The following NID2 variants were observed in gnomAD, a reference collection of about 807,000 sequenced individuals.
NID2 encodes the protein nidogen-2.
Under a neutral mutation model 145.4 loss-of-function variants are expected in NID2, and 83 were observed. The ratio of observed to expected loss-of-function variants is 0.57; its 90% confidence interval spans 0.48 to 0.69. NID2 has a LOEUF of 0.69. NID2 is among the 30% of genes least tolerant of loss of function. The pLI, the probability that NID2 is intolerant of heterozygous loss-of-function variation, is 0.00. For missense variants in NID2, 1,807 were observed against 1,765.7 expected, an observed-to-expected ratio of 1.02 and a Z score of -0.42; for synonymous variants, 739 against 701.3, an observed-to-expected ratio of 1.05 and a Z score of -0.85.
chr14:52,033,713 TTTTC>T (rs1308183842), intron 9 of NID2, among the ~76,000 whole-genome samples: 1 of 152,226 alleles, frequency 6.6e-6, no homozygotes, highest in Non-Finnish European at 1.5e-5. Context: ...TCTTTTTTGT[TTTTC>T]TTTTTTTCCC....
intron 10 of NID2, 129 bp downstream of exon 10, chr14:52,029,418 C>T: frequency 3.5e-6 from 3 of 852,504 alleles, no homozygotes; most frequent in African/African-American, 3.3e-5. Context: ...TTCAGATTAA[C>T]AGCTGCTAAA....
chr14:52,008,130 G>C, intron 18 of NID2, 163 bp from the exon 19 acceptor site: 1 of 566,610 alleles, frequency 1.8e-6, no homozygotes, highest in East Asian at 3.0e-5. Flanking sequence ...CTAGTGCATA[G>C]AGTATAGCAG....
chr14:52,026,393 T>C (rs965568945), intron 12 of NID2, among the ~76,000 whole-genome samples: 1 of 152,182 alleles, frequency 6.6e-6, no homozygotes, highest in African/African-American at 2.4e-5. Flanking sequence ...GCAGGCCCTT[T>C]CCCATTCTAA....
chr14:52,060,278 G>T lies in NID2; in HGVS notation c.613C>A (p.Gln205Lys), dbSNP rs1233765661. ...ALFLYPANGL[Q>K]FLGTRPKESY... The stretch of plus-strand genomic sequence containing the variant: ...TCTTTGGGGCGGGTTCCAAGGAACT[G>T]CAGGCCGTTGGCAGGATAAAGAAAG... Residue 205 changes from glutamine to lysine, a missense_variant, in exon 3 of 22, where the codon CAG (glutamine) becomes AAG (lysine). Transcript: ENST00000216286. The T allele has an allele frequency of 1.9e-6, 3 of 1,613,408 alleles. No individual in the cohort carries two copies. Among genetic ancestry groups the T allele is most frequent in the Non-Finnish European group, 8.5e-7 (1 of 1,179,858 alleles).
intron 9 of NID2, among the ~76,000 whole-genome samples, chr14:52,030,923 C>T (rs1830508887): frequency 6.6e-6 from 1 of 152,194 alleles, no homozygotes. Flanking sequence ...TTGTTCTAAA[C>T]AGATAGGAGG....
At chr14:52,016,088 CA>C (rs1891206941) in intron 14 of NID2, among the ~76,000 whole-genome samples, 1 of 152,164 alleles carries the variant, frequency 6.6e-6, no homozygotes, top group Admixed American at 6.5e-5. Context: ...CCCTCCCTCA[CA>C]GCTCACTCCA....
intron 19 of NID2, chr14:52,007,084 T>G (rs1422398137): frequency 1.3e-5 from 2 of 155,638 alleles, no homozygotes; most frequent in East Asian, 3.8e-4. Context: ...AGGAAAAAAG[T>G]GACTAAAATG....
chr14:52,035,244 A>G (rs1892014252), intron 9 of NID2, among the ~76,000 whole-genome samples: 1 of 152,190 alleles, frequency 6.6e-6, no homozygotes, highest in Admixed American at 6.5e-5. Context: ...TCACTGCCCT[A>G]AAAATCCCAT....
chr14:52,005,162 TAAACTC>T lies in NID2; in HGVS notation c.*318_*323del, dbSNP rs1214227646. The stretch of plus-strand genomic sequence containing the variant: ...ATGGCAAAAATCAGGTTTAGAGTCT[TAAACTC>T]TAATTCTTAGTTGAATGAATTTGAT... On this transcript the variant is annotated 3_prime_UTR_variant, in exon 22 of 22. Coordinates refer to ENST00000216286, the MANE Select transcript of NID2 (RefSeq NM_007361.4). The T allele has an allele frequency of 1.5e-4, 34 of 227,806 alleles. No individual in the cohort carries two copies. The highest frequency in any genetic ancestry group is 1.4e-3 in the Middle Eastern group (1 of 706). 14.1% of individuals were successfully genotyped at this position (227,806 alleles called of 1,614,324 possible).
In NID2 at chr14:52,006,750, G is replaced by A. The variant is rs576513088; in HGVS notation, c.3881-90C>T. ...TGATAGTGACACAGTGATAGAATGG[G>A]GAAATAGGATATTTTACTTCCATTA... On this transcript the variant is annotated intron_variant, in intron 19 of 21. Coordinates refer to ENST00000216286, the MANE Select transcript of NID2 (RefSeq NM_007361.4). The A allele has an allele frequency of 1.2e-4, 165 of 1,381,982 alleles. No individual in the cohort carries two copies. The South Asian group carries it at 1.3e-3, about 11-fold the overall frequency. 85.6% of individuals were successfully genotyped at this position (1,381,982 alleles called of 1,614,324 possible). A position where few individuals can be genotyped will look rare whatever the true frequency, so the allele number is the denominator to read the frequency against.
At chr14:52,023,889 C>T (rs1451554495) in intron 12 of NID2, among the ~76,000 whole-genome samples, 1 of 152,174 alleles carries the variant, frequency 6.6e-6, no homozygotes, top group Admixed American at 6.5e-5. Flanking sequence ...AAAACTCCCA[C>T]ACCCCCTTAT....
Position 52,016,799 on chromosome 14 carries a change from A to C in NID2, c.3029-1524T>G, listed in dbSNP as rs146315036. ...CCGTTCAAAACCCTCCAGTGACTCT[A>C]AAGAACAAAGCTGGGAGCATTATGA... On this transcript the variant is annotated intron_variant, in intron 14 of 21. Coordinates refer to ENST00000216286, the MANE Select transcript of NID2 (RefSeq NM_007361.4). Among the ~76,000 whole-genome samples the C allele has an allele frequency of 7.2e-5, 11 of 152,356 alleles. No homozygotes were observed. In the East Asian group the frequency reaches 2.1e-3, roughly 29 times the overall value.
At chr14:52,065,475 C>CT (rs1893163389) in intron 2 of NID2, among the ~76,000 whole-genome samples, 1 of 139,808 alleles carries the variant, frequency 7.2e-6, no homozygotes. Flanking sequence ...TTTTTTTCCC[C>CT]TTTCTTTTTT....
intron 2 of NID2, among the ~76,000 whole-genome samples, chr14:52,063,291 C>A (rs1162482181): frequency 6.6e-6 from 1 of 152,226 alleles, no homozygotes; most frequent in African/African-American, 2.4e-5. Context: ...TGGTTCCCAG[C>A]TCCCCCAGGA....
chr14:52,029,705 G>A lies in NID2; in HGVS notation c.2258-15C>T, dbSNP rs776817614. Reference sequence around the variant, plus strand: ...GTCTGAATCCTCTGCATGAGTAGAGGGGAAATAAAAGCACAATCTGGCTAT... The same window carrying A: ...GTCTGAATCCTCTGCATGAGTAGAGAGGAAATAAAAGCACAATCTGGCTAT... On this transcript the variant is annotated splice_polypyrimidine_tract_variant and intron_variant, in intron 9 of 21. Transcript: ENST00000216286. The A allele has an allele frequency of 6.2e-7, 1 of 1,609,684 alleles. No homozygotes were observed. The highest frequency in any genetic ancestry group is 8.5e-7 in the Non-Finnish European group (1 of 1,176,482).
intron 4 of NID2, 24 bp from the exon 5 acceptor site, chr14:52,053,962 T>C: frequency 6.2e-7 from 1 of 1,611,886 alleles, no homozygotes; most frequent in South Asian, 1.1e-5. Flanking sequence ...GAATGGCCAA[T>C]AAGTAGGTGT....
At chr14:52,042,722 G>A in intron 6 of NID2, 60 bp downstream of exon 6, 1 of 1,556,140 alleles carries the variant, frequency 6.4e-7, no homozygotes, top group Non-Finnish European at 8.8e-7. Flanking sequence ...CACAGTGGTA[G>A]CTGGAAACAG....
At position 52,054,224 on chromosome 14, in the gene NID2, C is replaced by T. The variant is rs200644684; in HGVS notation, c.865G>A (p.Ala289Thr). 114 of 1,614,112 alleles carry T rather than the reference C, an allele frequency of 7.1e-5. No homozygotes were observed. Among genetic ancestry groups the T allele is most frequent in the East Asian group, 1.6e-4 (7 of 44,880 alleles). ...CCCAGGGGAACAGAAGAGTGGGCAG[C>T]GGAAAGGTCTCCAACTGCAGCTGGC... ...VRPAAVGDLS[A>T]AHSSVPLGRS... The change falls in exon 4 of 22, where the codon GCT becomes ACT. Residue 289 changes from alanine (A) to threonine (T), a missense_variant. Coordinates refer to ENST00000216286, the MANE Select transcript of NID2 (RefSeq NM_007361.4).
rs921366075 is a variant in NID2 at position 52,005,424 on chromosome 14, C to A, written c.*62G>T. 6.1e-6 allele frequency: 9 copies of A among 1,464,744 alleles called. No homozygotes were observed. Among genetic ancestry groups the A allele is most frequent in the Non-Finnish European group, 8.2e-6 (9 of 1,096,712 alleles). The allele number at this position is 1,464,744 out of a possible 1,614,324, so 90.7% of individuals were successfully genotyped here. On this transcript the variant is annotated 3_prime_UTR_variant, in exon 22 of 22. Coordinates refer to ENST00000216286, the MANE Select transcript of NID2 (RefSeq NM_007361.4). ...TTTTTACTTTCTTTGCCTTTGCAGT[C>A]ACTGTTCTTTAGGGTCCAGGTTCTG...
Sources: gnomAD v4.1 joint callset for allele counts (sites outside exome capture counted in the v4.1 genomes callset) on GRCh38, gnomAD v4.1.1 for gene constraint, MANE v1.5 for transcripts, NCBI Gene and HGNC (gene_info 2026-07-23, HGNC 2026-07-21) for gene names.